Variants in RBFOX1 observed in about 807,000 individuals in gnomAD.
RBFOX1 encodes the protein RNA binding protein fox-1 homolog 1.
In RBFOX1, 8 loss-of-function variants were observed where a neutral mutation model predicts 57.7. The observed-to-expected ratio is 0.14, with a 90% CI of 0.08 to 0.25. RBFOX1 has a LOEUF of 0.25. Among genes scored for constraint, RBFOX1 ranks in the 10% least tolerant of loss-of-function variants. The pLI, the probability that RBFOX1 is intolerant of heterozygous loss-of-function variation, is 1.00. For missense variants in RBFOX1, 611 were observed against 548.5 expected (o/e 1.11, Z -1.14); for synonymous variants, 326 against 222.4 (o/e 1.47, Z -4.15).
chr16:5,977,012 G>A (rs1466749829), intron 4 of RBFOX1, among the ~76,000 whole-genome samples: 1 of 152,142 alleles, frequency 6.6e-6, no homozygotes. Context: ...AGCATCACCT[G>A]GGGAGGGGAT....
intron 4 of RBFOX1, among the ~76,000 whole-genome samples, chr16:7,239,490 C>G (rs1243475381): frequency 6.6e-6 from 1 of 152,092 alleles, no homozygotes; most frequent in Non-Finnish European, 1.5e-5. Context: ...CAGAGCAAGA[C>G]TGTCTAAAAA....
At chr16:6,241,333 C>T (rs770976076) in intron 1 of RBFOX1, among the ~76,000 whole-genome samples, 28 of 152,202 alleles carry the variant, frequency 1.8e-4, no homozygotes, top group Non-Finnish European at 4.0e-4. Context: ...GGGTGGCAGA[C>T]GTTTAAAATG....
chr16:6,661,178 A>G (rs1467488169), intron 3 of RBFOX1, among the ~76,000 whole-genome samples: 36 of 152,166 alleles, frequency 2.4e-4, no homozygotes, highest in Admixed American at 2.1e-3. Context: ...TTTACTTACT[A>G]TGAGCAATCC....
In RBFOX1 at chr16:6,843,637, C is replaced by T. The variant is rs1430035582; in HGVS notation, c.-16+188987C>T. 6.6e-5 allele frequency among the ~76,000 whole-genome samples: 10 copies of T among 152,056 alleles called. No homozygotes were observed. The East Asian group carries it at 7.7e-4, about 12-fold the overall frequency. On this transcript the variant is annotated intron_variant, in intron 3 of 15. Coordinates refer to ENST00000550418, the MANE Select transcript of RBFOX1 (RefSeq NM_018723.4). ...CCAGGAGGTGGAGCTTGCAGTGAGC[C>T]GACATCGCGCCACCGCACTCCAGCC...
At chr16:7,483,829 T>TA (rs2064658723) in intron 4 of RBFOX1, among the ~76,000 whole-genome samples, 1 of 152,240 alleles carries the variant, frequency 6.6e-6, no homozygotes, top group Non-Finnish European at 1.5e-5. Flanking sequence ...TTAACTGGTT[T>TA]ATAGCAGAGG....
chr16:7,114,867 T>C (rs998802326), intron 4 of RBFOX1, among the ~76,000 whole-genome samples: 1 of 152,198 alleles, frequency 6.6e-6, no homozygotes, highest in African/African-American at 2.4e-5. Flanking sequence ...AAATACACAC[T>C]GTGTGTTGCT....
intron 3 of RBFOX1, among the ~76,000 whole-genome samples, chr16:6,865,452 C>A (rs896710357): frequency 2.0e-5 from 3 of 152,042 alleles, no homozygotes; most frequent in Non-Finnish European, 4.4e-5. Context: ...GGGATATTTC[C>A]TTTCTAGCCC....
chr16:6,551,815 A>C (rs2096994837), intron 2 of RBFOX1, among the ~76,000 whole-genome samples: 2 of 152,204 alleles, frequency 1.3e-5, no homozygotes, highest in Non-Finnish European at 2.9e-5. Context: ...TTATCATGCC[A>C]ATTACATCTC....
intron 3 of RBFOX1, among the ~76,000 whole-genome samples, chr16:5,706,186 C>T (rs2051241553): frequency 6.6e-6 from 1 of 152,236 alleles, no homozygotes; most frequent in South Asian, 2.1e-4. Flanking sequence ...GCTGGGATTA[C>T]AGGCGTGGGC....
intron 3 of RBFOX1, among the ~76,000 whole-genome samples, chr16:6,844,221 G>T (rs568631286): frequency 2.0e-5 from 3 of 151,854 alleles, no homozygotes; most frequent in Non-Finnish European, 4.4e-5. Flanking sequence ...TAAGTTCAGG[G>T]GTACATGTGC....
intron 1 of RBFOX1, among the ~76,000 whole-genome samples, chr16:6,094,075 G>C (rs1015777809): frequency 1.3e-5 from 2 of 152,118 alleles, no homozygotes; most frequent in Non-Finnish European, 2.9e-5. Flanking sequence ...ACTTGTCCCA[G>C]TTTTGCCATT....
intron 1 of RBFOX1, among the ~76,000 whole-genome samples, chr16:6,206,096 G>T (rs1360567769): frequency 1.3e-5 from 2 of 151,962 alleles, no homozygotes; most frequent in African/African-American, 4.8e-5. Flanking sequence ...TTTAAAAGTT[G>T]ATGTTTCTGT....
chr16:6,680,337 A>C (rs576853909), intron 3 of RBFOX1, among the ~76,000 whole-genome samples: 33 of 129,380 alleles, frequency 2.6e-4, no homozygotes, highest in African/African-American at 9.7e-4. Context: ...ATCTCAGCTC[A>C]CTGCAAGCTC....
intron 3 of RBFOX1, among the ~76,000 whole-genome samples, chr16:6,797,852 G>C (rs1464680133): frequency 6.6e-6 from 1 of 152,122 alleles, no homozygotes; most frequent in East Asian, 1.9e-4. Context: ...CTCGACTTGA[G>C]TTGCTATCCC....
chr16:6,580,490 C>T (rs1048085313), intron 2 of RBFOX1, among the ~76,000 whole-genome samples: 2 of 152,166 alleles, frequency 1.3e-5, no homozygotes, highest in Admixed American at 6.5e-5. Context: ...AGATTAAAAA[C>T]TCCGTAAGAC....
chr16:5,740,393 A>T (rs2052730844), intron 3 of RBFOX1, among the ~76,000 whole-genome samples: 1 of 152,214 alleles, frequency 6.6e-6, no homozygotes, highest in Admixed American at 6.5e-5. Context: ...AACAGTGATG[A>T]AAGTGTCAGC....
chr16:6,415,242 CAAAAAAAA>C lies in RBFOX1; in HGVS notation c.-64+98202_-64+98209del, dbSNP rs57296761. On this transcript the variant is annotated intron_variant, in intron 2 of 15. Coordinates refer to ENST00000550418, the MANE Select transcript of RBFOX1 (RefSeq NM_018723.4). The stretch of plus-strand genomic sequence containing the variant: ...GGGTGACAAGAAAGAAACTCTGTCA[CAAAAAAAA>C]AAAAAAAAAAAAAAAATAGCGTTCA... Among the ~76,000 whole-genome samples, 102 of 102,064 alleles carry C rather than the reference CAAAAAAAA, an allele frequency of 1.0e-3. No individual in the cohort carries two copies. In the East Asian group the frequency reaches 0.013, roughly 13 times the overall value. The allele number at this position is 102,064 out of a possible 152,430, so 67.0% of individuals were successfully genotyped here.
intron 3 of RBFOX1, among the ~76,000 whole-genome samples, chr16:5,793,422 T>C (rs2054770956): frequency 6.6e-6 from 1 of 152,262 alleles, no homozygotes; most frequent in Admixed American, 6.5e-5. Flanking sequence ...TGATTTTCAA[T>C]TCAGCCCGTT....
At chr16:7,403,367 G>A (rs1481808547) in intron 4 of RBFOX1, among the ~76,000 whole-genome samples, 1 of 151,998 alleles carries the variant, frequency 6.6e-6, no homozygotes, top group Non-Finnish European at 1.5e-5. Flanking sequence ...TGTATTCTTT[G>A]ACTAACATCT....
Sources: allele counts gnomAD v4.1 joint callset (sites outside exome capture counted in the v4.1 genomes callset), GRCh38; gene constraint gnomAD v4.1.1; transcripts MANE v1.5; gene names NCBI Gene and HGNC (gene_info 2026-07-23, HGNC 2026-07-21).